Variants in ST3GAL1 observed in about 807,000 individuals in gnomAD.
ST3GAL1 encodes CMP-N-acetylneuraminate-beta-galactosamide-alpha-2,3-sialyltransferase 1.
Under a neutral mutation model 34.1 loss-of-function variants are expected in ST3GAL1, and 16 were observed. The observed-to-expected ratio is 0.47, with a 90% CI of 0.32 to 0.71. The LOEUF is 0.71. Among genes scored for constraint, ST3GAL1 ranks in the 30% least tolerant of loss-of-function variants. The pLI is 0.04. For missense variants in ST3GAL1, 353 were observed against 447.4 expected, an observed-to-expected ratio of 0.79 and a Z score of 1.90; for synonymous variants, 191 against 184.7, an observed-to-expected ratio of 1.03 and a Z score of -0.28.
chr8:133,511,190 T>C (rs765074081), intron 2 of ST3GAL1, among the ~76,000 whole-genome samples: 8 of 152,224 alleles, frequency 5.3e-5, no homozygotes, highest in Admixed American at 1.3e-4. Context: ...TTAAAAATTC[T>C]TGTCCAGCCA....
chr8:133,509,646 T>G (rs1000110834), intron 2 of ST3GAL1, among the ~76,000 whole-genome samples: 3 of 152,218 alleles, frequency 2.0e-5, no homozygotes, highest in African/African-American at 4.8e-5. Flanking sequence ...CTGGTGGTAT[T>G]CAGCCGGTGT....
At chr8:133,559,261 C>T (rs988754006) in intron 1 of ST3GAL1, among the ~76,000 whole-genome samples, 7 of 152,160 alleles carry the variant, frequency 4.6e-5, no homozygotes, top group African/African-American at 9.7e-5. Flanking sequence ...AAGGACCTAT[C>T]GATGTCATTA....
intron 3 of ST3GAL1, among the ~76,000 whole-genome samples, chr8:133,494,913 CT>C (rs34975583): frequency 0.016 from 1,614 of 100,660 alleles, 8 homozygotes; most frequent in African/African-American, 0.038. Context: ...TTCCTCTATT[CT>C]TTTTTTTTTT....
rs377006298 is a variant in ST3GAL1 at position 133,493,863 on chromosome 8, AG to A, written c.-374+5271del. ...TCTGTATCAGGAAAAAAAAAAAAAAAGAGAGAGAGAGGCCACCCTAGCTATT... is the reference window on the plus strand; with the variant it reads ...TCTGTATCAGGAAAAAAAAAAAAAAAAGAGAGAGAGGCCACCCTAGCTATT... On this transcript the variant is annotated intron_variant, in intron 3 of 9. Coordinates refer to ENST00000522652, the MANE Select transcript of ST3GAL1 (RefSeq NM_173344.3). Among the ~76,000 whole-genome samples, 1,356 of 139,556 alleles carry A rather than the reference AG, an allele frequency of 9.7e-3. 11 individuals are homozygous for A. Among genetic ancestry groups the A allele is most frequent in the African/African-American group, 0.022 (861 of 38,274 alleles). The allele number at this position is 139,556 out of a possible 152,430, so 91.6% of individuals were successfully genotyped here. A position where few individuals can be genotyped will look rare whatever the true frequency, so the allele number is the denominator to read the frequency against.
chr8:133,491,180 G>A (rs140450021), intron 3 of ST3GAL1, among the ~76,000 whole-genome samples: 91 of 152,268 alleles, frequency 6.0e-4, no homozygotes, highest in Middle Eastern at 3.4e-3. Context: ...AGAAGGAGGC[G>A]AATATGTTTT....
intron 1 of ST3GAL1, among the ~76,000 whole-genome samples, chr8:133,562,050 A>G (rs1326921951): frequency 6.6e-6 from 1 of 152,024 alleles, no homozygotes; most frequent in Non-Finnish European, 1.5e-5. Context: ...ACTGCACTCC[A>G]GCCCAGGCAA....
chr8:133,473,223 C>T (rs1563699591), intron 5 of ST3GAL1, among the ~76,000 whole-genome samples: 2 of 152,176 alleles, frequency 1.3e-5, no homozygotes, highest in East Asian at 1.9e-4. Flanking sequence ...AACCGCCCTC[C>T]CCAAGAAGAA....
At chr8:133,536,014 C>T (rs1818300576) in intron 2 of ST3GAL1, among the ~76,000 whole-genome samples, 1 of 152,144 alleles carries the variant, frequency 6.6e-6, no homozygotes, top group African/African-American at 2.4e-5. Context: ...TCATTCAATC[C>T]TGGAGTTTGG....
intron 2 of ST3GAL1, among the ~76,000 whole-genome samples, chr8:133,521,863 G>A (rs1031350256): frequency 1.3e-5 from 2 of 152,166 alleles, no homozygotes; most frequent in Non-Finnish European, 2.9e-5. Flanking sequence ...TGCCGTGAAA[G>A]AAAACAGTAT....
chr8:133,546,812 A>G (rs2131076955), intron 1 of ST3GAL1, among the ~76,000 whole-genome samples: 1 of 152,240 alleles, frequency 6.6e-6, no homozygotes, highest in East Asian at 1.9e-4. Flanking sequence ...CAGCCTGGCC[A>G]ACATGGTGAA....
rs143518404 is a variant in ST3GAL1, at chr8:133,563,031, T to C, written c.-582+8662A>G. ...TGGATTTGCTTTGGTTGGGGTTTAT[T>C]GGTTGGGTCTTTCTCAAGAGCTCTC... On this transcript the variant is annotated intron_variant, in intron 1 of 9. Coordinates refer to ENST00000522652, the MANE Select transcript of ST3GAL1 (RefSeq NM_173344.3). Among the ~76,000 whole-genome samples, 3 of 152,160 alleles carry C rather than the reference T, an allele frequency of 2.0e-5. No homozygotes were observed. In the East Asian group the frequency reaches 5.8e-4, roughly 29 times the overall value.
intron 3 of ST3GAL1, among the ~76,000 whole-genome samples, chr8:133,490,277 G>A (rs1438465649): frequency 2.0e-5 from 3 of 150,570 alleles, no homozygotes; most frequent in South Asian, 2.1e-4. Flanking sequence ...GGTGAGGGCC[G>A]ATTCCTGAGC....
chr8:133,547,796 G>T (rs1273761601), intron 1 of ST3GAL1, among the ~76,000 whole-genome samples: 1 of 152,210 alleles, frequency 6.6e-6, no homozygotes, highest in African/African-American at 2.4e-5. Flanking sequence ...GCTGGCAATG[G>T]TGATACATGA....
rs974956507 is a variant in ST3GAL1 at position 133,457,815 on chromosome 8, C to T, written c.*1949G>A. 1 of 152,254 alleles carries T rather than the reference C, an allele frequency of 6.6e-6. No individual in the cohort carries two copies. Among genetic ancestry groups the T allele is most frequent in the African/African-American group, 2.4e-5 (1 of 41,452 alleles). 9.4% of individuals were successfully genotyped at this position (152,254 alleles called of 1,614,324 possible). A position where few individuals can be genotyped will look rare whatever the true frequency, so the allele number is the denominator to read the frequency against. The stretch of plus-strand genomic sequence containing the variant: ...GACTGATGTCCCCAAGTTCCTCCCT[C>T]CCCGTGTGCAGAGGGGGCTCCCCCG... On this transcript the variant is annotated 3_prime_UTR_variant, in exon 10 of 10. Transcript: ENST00000522652.
chr8:133,553,846 TC>T (rs1336993528), intron 1 of ST3GAL1, among the ~76,000 whole-genome samples: 1 of 152,168 alleles, frequency 6.6e-6, no homozygotes, highest in African/African-American at 2.4e-5. Flanking sequence ...GATACCAGGT[TC>T]CTAGAACAAA....
At chr8:133,468,712 T>G (rs769889387) in intron 5 of ST3GAL1, among the ~76,000 whole-genome samples, 1 of 152,226 alleles carries the variant, frequency 6.6e-6, no homozygotes, top group Non-Finnish European at 1.5e-5. Context: ...GGTGGCTCCA[T>G]GATCCTGAAT....
intron 3 of ST3GAL1, among the ~76,000 whole-genome samples, chr8:133,493,592 A>G (rs1366874712): frequency 2.0e-5 from 3 of 152,214 alleles, no homozygotes; most frequent in Non-Finnish European, 4.4e-5. Flanking sequence ...CATGCCTGTA[A>G]TCCCAACATT....
chr8:133,486,968 G>T (rs1184603874), intron 3 of ST3GAL1, among the ~76,000 whole-genome samples: 1 of 152,196 alleles, frequency 6.6e-6, no homozygotes, highest in African/African-American at 2.4e-5. Context: ...TATTGAGACG[G>T]AGTCTCGCTC....
chr8:133,470,971 G>A (rs141338389), intron 5 of ST3GAL1, among the ~76,000 whole-genome samples: 81 of 152,220 alleles, frequency 5.3e-4, no homozygotes, highest in South Asian at 6.2e-4. Flanking sequence ...GGCCACACCC[G>A]TCCCGAGAGT....
Sources: allele counts gnomAD v4.1 joint callset (sites outside exome capture counted in the v4.1 genomes callset), GRCh38; gene constraint gnomAD v4.1.1; transcripts MANE v1.5; gene names NCBI Gene and HGNC (gene_info 2026-07-23, HGNC 2026-07-21).